ZNF804A: variants seen among roughly 807,000 people sequenced by gnomAD.
The protein encoded by ZNF804A is zinc finger protein 804A.
In ZNF804A, 2 loss-of-function variants were observed where a neutral mutation model predicts 16.5. That is an observed-to-expected ratio of 0.12 (90% CI 0.05 to 0.38). The LOEUF is 0.38. ZNF804A is among the 10% of genes least tolerant of loss of function. The pLI, the probability that ZNF804A is intolerant of heterozygous loss-of-function variation, is 0.99. For missense variants in ZNF804A, 1,473 were observed against 1,390.7 expected, an observed-to-expected ratio of 1.06 and a Z score of -0.94; for synonymous variants, 534 against 489.6, an observed-to-expected ratio of 1.09 and a Z score of -1.20.
intron 1 of ZNF804A, among the ~76,000 whole-genome samples, chr2:184,642,693 C>T (rs1229153258): frequency 6.6e-6 from 1 of 152,110 alleles, no homozygotes; most frequent in Non-Finnish European, 1.5e-5. Context: ...ATCCCCAACT[C>T]ATTCCTCCTA....
chr2:184,928,411 T>C (rs1438864523), intron 2 of ZNF804A, among the ~76,000 whole-genome samples: 1 of 151,884 alleles, frequency 6.6e-6, no homozygotes, highest in African/African-American at 2.4e-5. Context: ...CCCTCCCCTA[T>C]CTCTCTTCAA....
At chr2:184,804,570 A>G (rs1694774822) in intron 1 of ZNF804A, among the ~76,000 whole-genome samples, 1 of 152,220 alleles carries the variant, frequency 6.6e-6, no homozygotes, top group Non-Finnish European at 1.5e-5. Context: ...TTGTAGTTTG[A>G]AAAGTCTTGA....
chr2:184,599,196 G>A lies in ZNF804A; in HGVS notation c.111+126G>A, dbSNP rs1405038232. ...ACTCATTTTTTTATCTGGTGGGCGT[G>A]GGGTGAGAATTGGGTGTAGAAAAAG... On this transcript the variant is annotated intron_variant, in intron 1 of 3. Transcript: ENST00000302277. 7 of 755,574 alleles carry A rather than the reference G, an allele frequency of 9.3e-6. No homozygotes were observed. The East Asian group carries it at 1.7e-4, about 18-fold the overall frequency. 46.8% of individuals were successfully genotyped at this position (755,574 alleles called of 1,614,324 possible). A position where few individuals can be genotyped will look rare whatever the true frequency, so the allele number is the denominator to read the frequency against.
At chr2:184,669,015 A>G (rs1692298376) in intron 1 of ZNF804A, among the ~76,000 whole-genome samples, 1 of 151,918 alleles carries the variant, frequency 6.6e-6, no homozygotes, top group South Asian at 2.1e-4. Flanking sequence ...GCTCTTTCAA[A>G]TATATAGTAC....
chr2:184,740,481 T>A (rs1199283763), intron 1 of ZNF804A, among the ~76,000 whole-genome samples: 1 of 152,178 alleles, frequency 6.6e-6, no homozygotes, highest in East Asian at 1.9e-4. Flanking sequence ...TCAGAATATT[T>A]CAGAAGACAA....
Position 184,918,152 on chromosome 2 carries a change from C to T in ZNF804A, c.256-15451C>T, listed in dbSNP as rs114752205. On this transcript the variant is annotated intron_variant, in intron 2 of 3. Coordinates refer to ENST00000302277, the MANE Select transcript of ZNF804A (RefSeq NM_194250.2). Reference sequence around the variant, plus strand: ...CTTCCTTACCTCCATTGTGCAGTAGCAGTCCAATTTCCCCTTGGTAATCAA... The same window carrying T: ...CTTCCTTACCTCCATTGTGCAGTAGTAGTCCAATTTCCCCTTGGTAATCAA... Among the ~76,000 whole-genome samples, 248 of 152,218 alleles carry T rather than the reference C, an allele frequency of 1.6e-3. 1 individual carries two copies. Among genetic ancestry groups the T allele is most frequent in the African/African-American group, 5.4e-3 (223 of 41,518 alleles).
intron 1 of ZNF804A, among the ~76,000 whole-genome samples, chr2:184,797,713 G>T (rs755583083): frequency 6.6e-6 from 1 of 151,956 alleles, no homozygotes; most frequent in Non-Finnish European, 1.5e-5. Flanking sequence ...GTGAGGTACT[G>T]TTGCATTCAT....
chr2:184,673,094 GA>G (rs1331657799), intron 1 of ZNF804A, among the ~76,000 whole-genome samples: 1 of 150,580 alleles, frequency 6.6e-6, no homozygotes, highest in Admixed American at 6.6e-5. Flanking sequence ...AAGGAGAAAA[GA>G]AAAAAATGAA....
At chr2:184,908,415 A>T (rs746630337) in intron 2 of ZNF804A, among the ~76,000 whole-genome samples, 12 of 152,178 alleles carry the variant, frequency 7.9e-5, no homozygotes, top group Admixed American at 7.9e-4. Flanking sequence ...CATACAGCCC[A>T]GCATGTAATC....
intron 1 of ZNF804A, among the ~76,000 whole-genome samples, chr2:184,802,845 G>A (rs1694747786): frequency 6.6e-6 from 1 of 152,124 alleles, no homozygotes; most frequent in Non-Finnish European, 1.5e-5. Context: ...CCAATTAGGA[G>A]TCATTACTGT....
intron 1 of ZNF804A, among the ~76,000 whole-genome samples, chr2:184,698,813 G>C (rs936755358): frequency 6.6e-6 from 1 of 152,078 alleles, no homozygotes; most frequent in African/African-American, 2.4e-5. Flanking sequence ...ATGCAATACT[G>C]TCCGTAGGTA....
intron 1 of ZNF804A, among the ~76,000 whole-genome samples, chr2:184,717,507 G>A: frequency 6.6e-6 from 1 of 152,072 alleles, no homozygotes; most frequent in East Asian, 1.9e-4. Flanking sequence ...AGAATTCTTT[G>A]TGTTGAATAC....
chr2:184,738,153 A>C (rs1693660080), intron 1 of ZNF804A, among the ~76,000 whole-genome samples: 1 of 151,792 alleles, frequency 6.6e-6, no homozygotes, highest in African/African-American at 2.4e-5. Context: ...AAAATATCAG[A>C]TCTAAGGAGA....
At chr2:184,899,058 T>C (rs1480403533) in intron 2 of ZNF804A, among the ~76,000 whole-genome samples, 1 of 151,960 alleles carries the variant, frequency 6.6e-6, no homozygotes, top group Non-Finnish European at 1.5e-5. Flanking sequence ...GGTGGTAAGA[T>C]TATTGAATTT....
At chr2:184,659,467 C>A (rs1007004814) in intron 1 of ZNF804A, among the ~76,000 whole-genome samples, 6 of 151,472 alleles carry the variant, frequency 4.0e-5, no homozygotes, top group African/African-American at 1.5e-4. Flanking sequence ...TTATATATAC[C>A]TATATATAAA....
chr2:184,863,847 G>C (rs1345871602), intron 1 of ZNF804A, among the ~76,000 whole-genome samples: 2 of 152,026 alleles, frequency 1.3e-5, no homozygotes, highest in African/African-American at 4.8e-5. Flanking sequence ...GAAGATTTTA[G>C]TGAAAATTCA....
chr2:184,643,961 G>T (rs759054062), intron 1 of ZNF804A, among the ~76,000 whole-genome samples: 20 of 151,422 alleles, frequency 1.3e-4, no homozygotes, highest in Non-Finnish European at 2.8e-4. Context: ...TTTTTAAAAA[G>T]AATAACCCAT....
chr2:184,690,334 T>C (rs1378357501), intron 1 of ZNF804A, among the ~76,000 whole-genome samples: 1 of 151,992 alleles, frequency 6.6e-6, no homozygotes, highest in Non-Finnish European at 1.5e-5. Flanking sequence ...TGCAAAACCA[T>C]CAAGTAAAGA....
intron 1 of ZNF804A, among the ~76,000 whole-genome samples, chr2:184,654,303 C>G (rs572197494): frequency 4.6e-5 from 7 of 152,136 alleles, no homozygotes; most frequent in Non-Finnish European, 1.0e-4. Context: ...GGCAGATTAA[C>G]TAGAGACAGT....
Sources: gnomAD v4.1 joint callset for allele counts (sites outside exome capture counted in the v4.1 genomes callset) on GRCh38, gnomAD v4.1.1 for gene constraint, MANE v1.5 for transcripts, NCBI Gene and HGNC (gene_info 2026-07-23, HGNC 2026-07-21) for gene names.